TXLNB: variants seen among roughly 807,000 people sequenced by gnomAD.
TXLNB encodes the protein beta-taxilin.
TXLNB carries 37 observed loss-of-function variants against 57.4 expected under a neutral mutation model. The ratio of observed to expected loss-of-function variants is 0.64; its 90% CI spans 0.50 to 0.85. TXLNB has a LOEUF of 0.85. TXLNB is among the 40% of genes least tolerant of loss of function. TXLNB has a pLI of 0.00. For missense variants in TXLNB, 848 were observed against 825.6 expected (o/e 1.03, Z -0.33); for synonymous variants, 302 against 309.6 (o/e 0.98, Z 0.26).
chr6:139,278,881 G>C (rs1776972351), intron 2 of TXLNB, among the ~76,000 whole-genome samples: 1 of 152,174 alleles, frequency 6.6e-6, no homozygotes, highest in Non-Finnish European at 1.5e-5. Flanking sequence ...GTACATGCCT[G>C]TAGTCCCAGC....
chr6:139,217,701 T>C, the TXLNB span, among the ~76,000 whole-genome samples: 1 of 151,662 alleles, frequency 6.6e-6, no homozygotes, highest in African/African-American at 2.4e-5. Flanking sequence ...ACCCTGTTTC[T>C]ACTAAAAAAT....
chr6:139,309,578 C>T, the TXLNB span, among the ~76,000 whole-genome samples: 3 of 152,110 alleles, frequency 2.0e-5, no homozygotes, highest in Non-Finnish European at 2.9e-5. Flanking sequence ...GTCCAAACTA[C>T]ACACTTAGTA....
chr6:139,234,241 G>A, the TXLNB span: 2 of 152,348 alleles, frequency 1.3e-5, no homozygotes, highest in East Asian at 3.9e-4. Context: ...TTTGGGGGGA[G>A]AAAGTCAAGC....
the TXLNB span, among the ~76,000 whole-genome samples, chr6:139,319,402 CCTTTCTTT>C: frequency 6.6e-6 from 1 of 151,610 alleles, no homozygotes; most frequent in Non-Finnish European, 1.5e-5. Flanking sequence ...ACCCATCCTT[CCTTTCTTT>C]CTTTTTTTTT....
chr6:139,167,439 C>CAGATGCT, the TXLNB span: 1 of 865,930 alleles, frequency 1.2e-6, no homozygotes. Flanking sequence ...TTGTTCTAGT[C>CAGATGCT]AGGTGCTAGG....
chr6:139,277,357 CGGAG>C (rs1462906720), intron 2 of TXLNB, among the ~76,000 whole-genome samples: 1 of 152,196 alleles, frequency 6.6e-6, no homozygotes, highest in Non-Finnish European at 1.5e-5. Context: ...AACAGCAACA[CGGAG>C]TTGCTGGGAT....
At chr6:139,315,330 T>G in the TXLNB span, among the ~76,000 whole-genome samples, 1 of 152,220 alleles carries the variant, frequency 6.6e-6, no homozygotes, top group Non-Finnish European at 1.5e-5. Flanking sequence ...CCCCCACAGC[T>G]GGCTCTGCGT....
chr6:139,218,532 C>T, the TXLNB span, among the ~76,000 whole-genome samples: 27 of 152,114 alleles, frequency 1.8e-4, no homozygotes, highest in Non-Finnish European at 2.2e-4. Context: ...GTGGGTGGAT[C>T]ATCTGAGGTC....
chr6:139,255,617 A>T lies in TXLNB; in HGVS notation c.1024T>A (p.Trp342Arg), dbSNP rs1421624174. ...KEYLLNQAAE[W>R]KLQAKVLKEQ... ...TTCAGCACTTTCGCCTGAAGTTTCC[A>T]CTCTGCTGCCTGGTTCAGCAACTAT... Residue 342 changes from tryptophan (W) to arginine (R), a missense_variant, in exon 7 of 10, where the codon TGG becomes AGG. Transcript: ENST00000358430. 6.2e-7 allele frequency: 1 copy of T among 1,613,282 alleles called. No individual in the cohort carries two copies. Among genetic ancestry groups the T allele is most frequent in the Non-Finnish European group, 8.5e-7 (1 of 1,179,736 alleles).
In TXLNB at chr6:139,243,311, C is replaced by G. The variant is rs758846420; in HGVS notation, c.1270G>C (p.Ala424Pro). The G allele has an allele frequency of 6.2e-7, 1 of 1,605,848 alleles. No homozygotes were observed. Among genetic ancestry groups the G allele is most frequent in the Admixed American group, 1.7e-5 (1 of 59,610 alleles). ...KALLDMIEEKALRAKEYECFV... is the reference protein window; with the variant it reads ...KALLDMIEEKPLRAKEYECFV... ...CACTCATATTCTTTAGCTCTCAGTG[C>G]TTTCTGTGATGTGAAAACACACGCA... Residue 424 changes from alanine (A) to proline (P), a missense_variant, in exon 10 of 10, where the codon GCA becomes CCA. Coordinates refer to ENST00000358430, the MANE Select transcript of TXLNB (RefSeq NM_153235.4).
the TXLNB span, among the ~76,000 whole-genome samples, chr6:139,301,780 C>G: frequency 1.0e-3 from 154 of 152,092 alleles, no homozygotes; most frequent in African/African-American, 3.4e-3. Flanking sequence ...TGAACTAATC[C>G]CCACCCCCCT....
the TXLNB span, among the ~76,000 whole-genome samples, chr6:139,314,229 C>G: frequency 6.6e-6 from 1 of 152,174 alleles, no homozygotes; most frequent in African/African-American, 2.4e-5. Flanking sequence ...TTAACTAAGA[C>G]TCTGGGACCT....
chr6:139,243,115 T>C lies in TXLNB; in HGVS notation c.1466A>G (p.Asp489Gly), dbSNP rs768821967. ...TTGGACACTATTAACCTCCTCTGCG[T>C]CAATCTCTTGATCCACAGAGACGTT... is the stretch of plus-strand genomic sequence containing the variant. ...ESNVSVDQEI[D>G]AEEVNSVQTA... The change falls in exon 10 of 10, where the codon GAC becomes GGC. Residue 489 changes from aspartate (D) to glycine (G), a missense_variant. By Grantham distance (94) the Asp-to-Gly change is moderately conservative (BLOSUM62 -1). Transcript: ENST00000358430. 2 of 1,614,232 alleles carry C rather than the reference T, an allele frequency of 1.2e-6. No homozygotes were observed. The highest frequency in any genetic ancestry group is 1.1e-5 in the South Asian group (1 of 91,080).
the TXLNB span, among the ~76,000 whole-genome samples, chr6:139,302,299 G>A: frequency 6.8e-6 from 1 of 147,912 alleles, no homozygotes; most frequent in Admixed American, 6.8e-5. Flanking sequence ...TTGGGTCTGG[G>A]TAAAGGTCTG....
the TXLNB span, among the ~76,000 whole-genome samples, chr6:139,306,401 A>G: frequency 0.034 from 5,114 of 152,312 alleles, 133 homozygotes; most frequent in East Asian, 0.097. Flanking sequence ...GGGACGCTCC[A>G]GAGACACAGC....
In TXLNB at chr6:139,270,590, GC is replaced by G; in HGVS notation, c.552del (p.Lys184AsnfsTer45). 1 of 1,614,072 alleles carries G rather than the reference GC, an allele frequency of 6.2e-7. No homozygotes were observed. Among genetic ancestry groups the G allele is most frequent in the Non-Finnish European group, 8.5e-7 (1 of 1,179,992 alleles). On this transcript the variant is annotated frameshift_variant, in exon 4 of 10. Transcript: ENST00000358430. LOFTEE classifies it high-confidence loss of function. ...DEHRTEQKKL[K>X]LLQKKQVQIQ... ...ATTTGTACCTGTTTCTTTTGGAGGA[GC>G]TTTAACTTCTTTTGCTCAGTACGAT...
the TXLNB span, among the ~76,000 whole-genome samples, chr6:139,182,792 G>A: frequency 6.6e-6 from 1 of 152,074 alleles, no homozygotes. Flanking sequence ...AGCTCTACCT[G>A]GCATTGCTAA....
chr6:139,175,441 A>G, the TXLNB span, among the ~76,000 whole-genome samples: 12 of 152,174 alleles, frequency 7.9e-5, no homozygotes, highest in Non-Finnish European at 1.6e-4. Flanking sequence ...ATCAGTAGTT[A>G]TTCACTGTGG....
intron 9 of TXLNB, among the ~76,000 whole-genome samples, chr6:139,243,703 C>T (rs1776006329): frequency 1.3e-5 from 2 of 152,140 alleles, no homozygotes; most frequent in Non-Finnish European, 2.9e-5. Context: ...ACTTGGGTTT[C>T]AGCAATGCCT....
Sources: allele counts gnomAD v4.1 joint callset (sites outside exome capture counted in the v4.1 genomes callset), GRCh38; gene constraint gnomAD v4.1.1; transcripts MANE v1.5; gene names NCBI Gene and HGNC (gene_info 2026-07-23, HGNC 2026-07-21).